SPMIP4: variants seen among roughly 807,000 people sequenced by gnomAD.
The protein encoded by SPMIP4 is sperm microtubule inner protein 4.
the SPMIP4 span, chr7:25,134,903 A>G: frequency 2.5e-5 from 25 of 985,306 alleles, no homozygotes; most frequent in Non-Finnish European, 2.9e-5. Context: ...CACCATGTAA[A>G]CTTTTACTTC....
chr7:25,132,452 G>C, the SPMIP4 span, among the ~76,000 whole-genome samples: 2 of 152,120 alleles, frequency 1.3e-5, no homozygotes, highest in African/African-American at 4.8e-5. This position sits in a 1 kb window ranked among gnomAD's most constrained non-coding sequence, Gnocchi z 5.0. Flanking sequence ...AGGCTTTGTA[G>C]GTATTCAGTG....
chr7:25,179,400 G>T, the SPMIP4 span: 1 of 1,409,850 alleles, frequency 7.1e-7, no homozygotes, highest in Non-Finnish European at 9.7e-7. Flanking sequence ...ATTTTACACT[G>T]CTAAATTGTT....
the SPMIP4 span, chr7:25,136,629 G>T: frequency 6.2e-7 from 1 of 1,614,100 alleles, no homozygotes. The surrounding 1 kb of genome is among the most constrained non-coding windows in gnomAD (Gnocchi z 5.7). Flanking sequence ...CTTTAGAACT[G>T]GGTACAAAGG....
the SPMIP4 span, among the ~76,000 whole-genome samples, chr7:25,133,346 G>C: frequency 1.3e-5 from 2 of 152,194 alleles, no homozygotes; most frequent in Non-Finnish European, 2.9e-5. Flanking sequence ...AATTAGCACA[G>C]TTTTGTACAC....
chr7:25,160,473 A>C, the SPMIP4 span, among the ~76,000 whole-genome samples: 1 of 151,832 alleles, frequency 6.6e-6, no homozygotes, highest in South Asian at 2.1e-4. Context: ...TAATTTTTAT[A>C]TTTTTAGTAG....
At chr7:25,136,386 T>C in the SPMIP4 span, 2 of 1,614,052 alleles carry the variant, frequency 1.2e-6, no homozygotes, top group Non-Finnish European at 1.7e-6. The surrounding 1 kb of genome is among the most constrained non-coding windows in gnomAD (Gnocchi z 5.7). Flanking sequence ...TACAGTAAGG[T>C]GTGGGTTGGG....
the SPMIP4 span, among the ~76,000 whole-genome samples, chr7:25,162,284 A>G: frequency 6.6e-6 from 1 of 150,660 alleles, no homozygotes; most frequent in Non-Finnish European, 1.5e-5. Context: ...AAAAAAAAAA[A>G]AATTAATTAA....
the SPMIP4 span, chr7:25,168,526 A>C: frequency 8.0e-3 from 10,904 of 1,356,256 alleles, 55 homozygotes; most frequent in Non-Finnish European, 9.7e-3. Context: ...AAAATTGCAT[A>C]ACAGATTGCA....
chr7:25,136,634 C>T, the SPMIP4 span: 2 of 1,613,916 alleles, frequency 1.2e-6, no homozygotes, highest in African/African-American at 2.7e-5. The surrounding 1 kb of genome is among the most constrained non-coding windows in gnomAD (Gnocchi z 5.7). Context: ...GAACTGGGTA[C>T]AAAGGTATGA....
chr7:25,161,353 CCA>C, the SPMIP4 span: 11 of 600,712 alleles, frequency 1.8e-5, no homozygotes, highest in Non-Finnish European at 3.1e-5. Context: ...AATAACATAT[CCA>C]CATATATGTA....
chr7:25,163,707 C>T, the SPMIP4 span, among the ~76,000 whole-genome samples: 7 of 152,280 alleles, frequency 4.6e-5, no homozygotes, highest in South Asian at 1.5e-3. This position sits in a 1 kb window ranked among gnomAD's most constrained non-coding sequence, Gnocchi z 4.4. Context: ...GGTGACCTAT[C>T]CCTGGATGTA....
the SPMIP4 span, chr7:25,168,147 T>A: frequency 3.0e-6 from 2 of 672,508 alleles, no homozygotes; most frequent in African/African-American, 1.9e-5. Flanking sequence ...CAATTAGAAA[T>A]TAATTTTTCA....
At chr7:25,159,993 A>G in the SPMIP4 span, among the ~76,000 whole-genome samples, 1 of 151,400 alleles carries the variant, frequency 6.6e-6, no homozygotes, top group Non-Finnish European at 1.5e-5. Flanking sequence ...CGAAATGAAA[A>G]AAAAAAATAA....
the SPMIP4 span, among the ~76,000 whole-genome samples, chr7:25,177,102 G>A: frequency 3.9e-5 from 6 of 152,214 alleles, no homozygotes; most frequent in Non-Finnish European, 7.3e-5. Flanking sequence ...GTTCACATTA[G>A]AAAGAAAATG....
At chr7:25,131,499 G>A in the SPMIP4 span, among the ~76,000 whole-genome samples, 1 of 152,170 alleles carries the variant, frequency 6.6e-6, no homozygotes, top group East Asian at 1.9e-4. This position sits in a 1 kb window ranked among gnomAD's most constrained non-coding sequence, Gnocchi z 4.2. Flanking sequence ...GAAGACCTGA[G>A]AAGGTAGAGA....
At chr7:25,137,311 T>TA in the SPMIP4 span, among the ~76,000 whole-genome samples, 1 of 137,618 alleles carries the variant, frequency 7.3e-6, no homozygotes, top group Admixed American at 6.9e-5. Context: ...CTTTTTTTTT[T>TA]TTTTTTTTAT....
the SPMIP4 span, among the ~76,000 whole-genome samples, chr7:25,160,100 C>G: frequency 6.6e-6 from 1 of 151,940 alleles, no homozygotes; most frequent in East Asian, 1.9e-4. Context: ...CTAAATCAGC[C>G]CATTAATTTT....
the SPMIP4 span, among the ~76,000 whole-genome samples, chr7:25,162,857 T>C: frequency 2.0e-5 from 3 of 152,146 alleles, no homozygotes; most frequent in African/African-American, 7.2e-5. Context: ...CTGCAACTTC[T>C]ACCTCCTGGG....
the SPMIP4 span, among the ~76,000 whole-genome samples, chr7:25,163,461 G>A: frequency 1.3e-5 from 2 of 152,154 alleles, no homozygotes; most frequent in East Asian, 1.9e-4. This position sits in a 1 kb window ranked among gnomAD's most constrained non-coding sequence, Gnocchi z 4.4. Flanking sequence ...AGAGAAACAC[G>A]CCATTGAGTA....
Sources: allele counts gnomAD v4.1 joint callset (sites outside exome capture counted in the v4.1 genomes callset), GRCh38; gene constraint gnomAD v4.1.1; non-coding constraint Gnocchi (gnomAD v3.1); transcripts MANE v1.5; gene names NCBI Gene and HGNC (gene_info 2026-07-23, HGNC 2026-07-21).